The following KLHL29 variants were observed in gnomAD, a reference collection of about 807,000 sequenced individuals.
The protein encoded by KLHL29 is kelch-like protein 29.
KLHL29 carries 21 observed loss-of-function variants against 80.4 expected under a neutral mutation model. That is an observed-to-expected ratio of 0.26 (90% CI 0.19 to 0.38). KLHL29 has a LOEUF of 0.38. Ranked by LOEUF, KLHL29 falls within the 10% of genes least tolerant of loss-of-function variation. KLHL29 has a pLI of 1.00. For missense variants in KLHL29, 867 were observed against 1,223.9 expected, an observed-to-expected ratio of 0.71 and a Z score of 4.35; for synonymous variants, 511 against 526.8, an observed-to-expected ratio of 0.97 and a Z score of 0.41.
At chr2:23,501,219 C>A (rs1665425404) in intron 2 of KLHL29, among the ~76,000 whole-genome samples, 1 of 152,096 alleles carries the variant, frequency 6.6e-6, no homozygotes, top group African/African-American at 2.4e-5. Flanking sequence ...AGATTCCCTT[C>A]CAGCCCAGGT....
chr2:23,512,385 C>T (rs1453215647), intron 2 of KLHL29, among the ~76,000 whole-genome samples: 2 of 151,642 alleles, frequency 1.3e-5, no homozygotes, highest in South Asian at 4.2e-4. Context: ...GTGGAGGTTG[C>T]TGTGAGCAGA....
chr2:23,451,922 C>T (rs2103422047), intron 1 of KLHL29, among the ~76,000 whole-genome samples: 1 of 152,204 alleles, frequency 6.6e-6, no homozygotes, highest in South Asian at 2.1e-4. Flanking sequence ...CTGGAGAGGC[C>T]TCAGGATGCT....
intron 2 of KLHL29, among the ~76,000 whole-genome samples, chr2:23,539,569 G>C (rs777548653): frequency 6.6e-6 from 1 of 151,082 alleles, no homozygotes; most frequent in Non-Finnish European, 1.5e-5. Flanking sequence ...AGCCTTCTGA[G>C]TTGCTGGGAC....
chr2:23,401,343 C>T (rs929177771), intron 1 of KLHL29, among the ~76,000 whole-genome samples: 4 of 152,188 alleles, frequency 2.6e-5, no homozygotes, highest in East Asian at 3.9e-4. Context: ...TATACACCCC[C>T]GGTCCCCACC....
intron 2 of KLHL29, among the ~76,000 whole-genome samples, chr2:23,538,017 G>T (rs1022705197): frequency 6.6e-6 from 1 of 152,240 alleles, no homozygotes; most frequent in African/African-American, 2.4e-5. Flanking sequence ...GGTACCTACA[G>T]ATCTCACTTT....
intron 2 of KLHL29, among the ~76,000 whole-genome samples, chr2:23,539,615 A>AT (rs923466790): frequency 8.0e-5 from 12 of 150,614 alleles, no homozygotes; most frequent in South Asian, 2.1e-4. Flanking sequence ...TGATTTTTGT[A>AT]TTTTTTTTAA....
At chr2:23,461,223 G>A (rs1664199369) in intron 1 of KLHL29, among the ~76,000 whole-genome samples, 1 of 152,240 alleles carries the variant, frequency 6.6e-6, no homozygotes. Context: ...GACTGAGGCA[G>A]AGGGGTCGGG....
intron 3 of KLHL29, among the ~76,000 whole-genome samples, chr2:23,566,567 C>A (rs951344242): frequency 2.6e-5 from 4 of 152,224 alleles, no homozygotes; most frequent in Admixed American, 6.5e-5. Context: ...GGCACATTTA[C>A]CTCTGTGGTA....
At chr2:23,543,216 A>G (rs1473662051) in intron 2 of KLHL29, among the ~76,000 whole-genome samples, 1 of 152,162 alleles carries the variant, frequency 6.6e-6, no homozygotes, top group Non-Finnish European at 1.5e-5. Context: ...AGTCACTCGC[A>G]CACACATTCT....
At chr2:23,605,704 C>G (rs1343346787) in intron 3 of KLHL29, among the ~76,000 whole-genome samples, 1 of 152,052 alleles carries the variant, frequency 6.6e-6, no homozygotes, top group Non-Finnish European at 1.5e-5. Context: ...AGAAGTCATT[C>G]AAGCCCTCCT....
intron 2 of KLHL29, among the ~76,000 whole-genome samples, chr2:23,484,211 A>G (rs1664871104): frequency 6.6e-6 from 1 of 152,270 alleles, no homozygotes; most frequent in Middle Eastern, 3.4e-3. Flanking sequence ...GAGGCCATTC[A>G]TGACAGCCGC....
chr2:23,392,438 A>T (rs781246955), intron 1 of KLHL29, among the ~76,000 whole-genome samples: 1 of 152,194 alleles, frequency 6.6e-6, no homozygotes, highest in Non-Finnish European at 1.5e-5. Flanking sequence ...TTTAGAGTTG[A>T]TGTGGATTTT....
intron 3 of KLHL29, among the ~76,000 whole-genome samples, chr2:23,573,081 G>GA (rs397722495): frequency 1.3e-5 from 2 of 151,594 alleles, no homozygotes; most frequent in South Asian, 2.1e-4. Context: ...TCGTAGTTGG[G>GA]CCTGAGCCCG....
intron 1 of KLHL29, among the ~76,000 whole-genome samples, chr2:23,404,531 G>C (rs543383196): frequency 2.1e-4 from 32 of 152,148 alleles, no homozygotes; most frequent in Non-Finnish European, 3.8e-4. Flanking sequence ...TCAGAAATCC[G>C]TGACATGATC....
intron 2 of KLHL29, among the ~76,000 whole-genome samples, chr2:23,543,113 C>T (rs754909461): frequency 1.3e-5 from 2 of 152,214 alleles, no homozygotes; most frequent in Non-Finnish European, 2.9e-5. Flanking sequence ...CAGTGTGTCC[C>T]TGCCGTCTGC....
intron 3 of KLHL29, among the ~76,000 whole-genome samples, chr2:23,613,637 G>A (rs756173375): frequency 2.6e-5 from 4 of 151,670 alleles, no homozygotes; most frequent in South Asian, 2.1e-4. Context: ...GGTGGCACGC[G>A]CCTGTAATCC....
At chr2:23,387,157 C>G (rs996199261) in intron 1 of KLHL29, among the ~76,000 whole-genome samples, 5 of 152,222 alleles carry the variant, frequency 3.3e-5, no homozygotes, top group Admixed American at 6.5e-5. Flanking sequence ...TAGCATTAGG[C>G]GAGACCTCGG....
At chr2:23,640,816 G>T (rs904625352) in intron 4 of KLHL29, among the ~76,000 whole-genome samples, 2 of 152,186 alleles carry the variant, frequency 1.3e-5, no homozygotes, top group African/African-American at 4.8e-5. Context: ...AAGGGGCGAT[G>T]CAGGCCTCGT....
chr2:23,446,034 A>T (rs1663665010), intron 1 of KLHL29, among the ~76,000 whole-genome samples: 2 of 151,920 alleles, frequency 1.3e-5, no homozygotes, highest in South Asian at 4.2e-4. Context: ...TCATTTTTTA[A>T]CTTATATTTT....
Sources: allele counts gnomAD v4.1 joint callset (sites outside exome capture counted in the v4.1 genomes callset), GRCh38; gene constraint gnomAD v4.1.1; transcripts MANE v1.5; gene names NCBI Gene and HGNC (gene_info 2026-07-23, HGNC 2026-07-21).